ZMYM2: variants seen among roughly 807,000 people sequenced by gnomAD.
ZMYM2 encodes the protein zinc finger MYM-type containing 2.
A neutral mutation model predicts 162.8 loss-of-function variants in ZMYM2; 56 were observed. That is an observed-to-expected ratio of 0.34 (90% CI 0.28 to 0.43). The LOEUF (loss-of-function observed/expected upper bound fraction) is 0.43. Among genes scored for constraint, ZMYM2 ranks in the 20% least tolerant of loss-of-function variants. ZMYM2 has a pLI of 1.00. For synonymous variants in ZMYM2, 510 were observed against 541.6 expected (o/e 0.94, Z 0.81); for missense variants, 1,275 against 1,621.8 (o/e 0.79, Z 3.67).
chr13:20,065,241 A>G (rs974003412), intron 19 of ZMYM2, among the ~76,000 whole-genome samples: 1 of 152,088 alleles, frequency 6.6e-6, no homozygotes, highest in Non-Finnish European at 1.5e-5. Flanking sequence ...CGGAAAAGGG[A>G]GAGAATACTT....
the ZMYM2 span, among the ~76,000 whole-genome samples, chr13:19,910,151 C>T: frequency 6.6e-6 from 1 of 151,806 alleles, no homozygotes; most frequent in African/African-American, 2.4e-5. Context: ...GGCGTGAACC[C>T]GGGAGGCGGA....
chr13:20,071,297 AGT>A (rs1252152601), intron 21 of ZMYM2, among the ~76,000 whole-genome samples: 5 of 152,200 alleles, frequency 3.3e-5, no homozygotes, highest in Non-Finnish European at 5.9e-5. Flanking sequence ...GAAAGTCTTG[AGT>A]GTTAATTGTC....
chr13:19,870,380 C>T, the ZMYM2 span, among the ~76,000 whole-genome samples: 1 of 152,042 alleles, frequency 6.6e-6, no homozygotes, highest in African/African-American at 2.4e-5. Flanking sequence ...TCAAGCAATC[C>T]ACCTGCCTTG....
chr13:19,872,395 C>T, the ZMYM2 span, among the ~76,000 whole-genome samples: 1 of 151,804 alleles, frequency 6.6e-6, no homozygotes, highest in African/African-American at 2.4e-5. Context: ...ACTGAAAATA[C>T]AAAAATTAGC....
chr13:20,059,227 A>G (rs1956047672), intron 15 of ZMYM2, among the ~76,000 whole-genome samples: 1 of 152,048 alleles, frequency 6.6e-6, no homozygotes, highest in African/African-American at 2.4e-5. Context: ...TTAAAAAAAA[A>G]AAATCCCTAA....
At chr13:19,953,662 G>A in the ZMYM2 span, among the ~76,000 whole-genome samples, 14 of 108,272 alleles carry the variant, frequency 1.3e-4, no homozygotes, top group Admixed American at 6.1e-4. Context: ...CCAGCCTGGC[G>A]ACAGAGCAAG....
In ZMYM2 at chr13:20,058,628, A is replaced by C. The variant is rs371325839; in HGVS notation, c.2547A>C (p.Ala849=). Residue 849 remains alanine (A), a synonymous_variant, in exon 15 of 25, where the codon GCA becomes GCC. Transcript: ENST00000610343. ...CTAACAAAGAGATGAAGAACAAAGC[A>C]GTTCTTTGCAAACCTTTAACAATGA... is the stretch of plus-strand genomic sequence containing the variant. The part of the protein sequence containing the change: ...PTPNKEMKNK[A]VLCKPLTMTK... 1.9e-6 allele frequency: 3 copies of C among 1,613,692 alleles called. No individual in the cohort carries two copies. The highest frequency in any genetic ancestry group is 2.5e-6 in the Non-Finnish European group (3 of 1,179,774).
chr13:20,070,669 C>A (rs1957018264), intron 21 of ZMYM2, among the ~76,000 whole-genome samples: 1 of 152,040 alleles, frequency 6.6e-6, no homozygotes, highest in South Asian at 2.1e-4. Flanking sequence ...CACCACCACG[C>A]CCGGCTAATT....
chr13:19,982,568 A>G (rs1957443163), intron 2 of ZMYM2, among the ~76,000 whole-genome samples: 1 of 152,124 alleles, frequency 6.6e-6, no homozygotes, highest in South Asian at 2.1e-4. Context: ...TGCCCTAAGT[A>G]CGTCATCCCC....
chr13:19,937,464 T>C, the ZMYM2 span, among the ~76,000 whole-genome samples: 1 of 150,240 alleles, frequency 6.7e-6, no homozygotes, highest in Admixed American at 6.6e-5. Flanking sequence ...CTCTTTTTTT[T>C]TTTTTTTTTT....
chr13:19,959,698 G>C (rs1363572950), intron 1 of ZMYM2, among the ~76,000 whole-genome samples: 2 of 152,128 alleles, frequency 1.3e-5, no homozygotes. Flanking sequence ...CCCTTCCCGG[G>C]AGCAGGCTCG....
the ZMYM2 span, among the ~76,000 whole-genome samples, chr13:19,899,937 GAA>G: frequency 6.9e-6 from 1 of 145,920 alleles, no homozygotes; most frequent in African/African-American, 2.6e-5. Flanking sequence ...GAAAAAAAAA[GAA>G]GACTCAAATA....
intron 9 of ZMYM2, among the ~76,000 whole-genome samples, chr13:20,029,950 A>G (rs1952933941): frequency 1.3e-5 from 2 of 151,538 alleles, no homozygotes; most frequent in Admixed American, 1.3e-4. Flanking sequence ...ACCTGCCACC[A>G]TGCCTAGCTA....
intron 17 of ZMYM2, among the ~76,000 whole-genome samples, chr13:20,062,282 G>GT (rs1956290367): frequency 6.6e-6 from 1 of 152,182 alleles, no homozygotes; most frequent in Non-Finnish European, 1.5e-5. Flanking sequence ...CATAGAAAGG[G>GT]TAAGTATTAT....
the ZMYM2 span, among the ~76,000 whole-genome samples, chr13:19,882,609 T>C: frequency 3.3e-5 from 5 of 152,048 alleles, no homozygotes; most frequent in Non-Finnish European, 2.9e-5. Context: ...TCGCAGGGCA[T>C]GGTGTCATGC....
chr13:20,036,716 T>C (rs1449734031), intron 11 of ZMYM2, 21 bp from the exon 12 acceptor site: 2 of 1,484,258 alleles, frequency 1.3e-6, no homozygotes, highest in South Asian at 1.4e-5. Context: ...TGTTTTAATA[T>C]ATAAATCTTA....
chr13:19,977,941 A>G lies in ZMYM2; in HGVS notation c.-10-15122A>G, dbSNP rs553019840. 2.0e-5 allele frequency among the ~76,000 whole-genome samples: 3 copies of G among 150,360 alleles called. No individual in the cohort carries two copies. In the East Asian group the frequency reaches 5.9e-4, roughly 30 times the overall value. ...GCCCAGGCTGGAGTGCAGTGGCACA[A>G]TCTCGGCTCACTGCAAGCCCCGCCT... is the stretch of plus-strand genomic sequence containing the variant. On this transcript the variant is annotated intron_variant, in intron 2 of 24. Coordinates refer to ENST00000610343, the MANE Select transcript of ZMYM2 (RefSeq NM_197968.4).
At chr13:19,951,499 G>T in the ZMYM2 span, among the ~76,000 whole-genome samples, 1 of 121,662 alleles carries the variant, frequency 8.2e-6, no homozygotes, top group Non-Finnish European at 1.6e-5. Context: ...AGACCAGCCT[G>T]GTCAACACGG....
At chr13:20,007,461 T>C (rs1445760309) in intron 6 of ZMYM2, among the ~76,000 whole-genome samples, 7 of 151,982 alleles carry the variant, frequency 4.6e-5, no homozygotes, top group African/African-American at 1.7e-4. Context: ...TTAAGGACTT[T>C]TTGATTTCTA....
Sources: gnomAD v4.1 joint callset for allele counts (sites outside exome capture counted in the v4.1 genomes callset) on GRCh38, gnomAD v4.1.1 for gene constraint, MANE v1.5 for transcripts, NCBI Gene and HGNC (gene_info 2026-07-23, HGNC 2026-07-21) for gene names.